Variants in ABCC1 observed in about 807,000 individuals in gnomAD.
The protein encoded by ABCC1 is multidrug resistance-associated protein 1.
Under a neutral mutation model 172.9 loss-of-function variants are expected in ABCC1, and 83 were observed. That is an observed-to-expected ratio of 0.48 (90% CI 0.40 to 0.58). The LOEUF is 0.58. ABCC1 is among the 20% of genes least tolerant of loss of function. The pLI, the probability that ABCC1 is intolerant of heterozygous loss-of-function variation, is 0.00. For missense variants in ABCC1, 1,817 were observed against 2,002.7 expected (o/e 0.91, Z 1.77); for synonymous variants, 937 against 825.2 (o/e 1.14, Z -2.32).
chr16:16,014,873 A>T (rs149114969), intron 4 of ABCC1, among the ~76,000 whole-genome samples: 5 of 152,154 alleles, frequency 3.3e-5, no homozygotes, highest in Non-Finnish European at 7.4e-5. Context: ...AGGGGCTCCC[A>T]TGGGACCTCC....
chr16:16,123,766 C>T (rs1156790671), intron 24 of ABCC1, among the ~76,000 whole-genome samples: 1 of 152,180 alleles, frequency 6.6e-6, no homozygotes, highest in African/African-American at 2.4e-5. Flanking sequence ...AATCTCAGCA[C>T]TTTGGGTGGC....
At chr16:16,045,249 T>C (rs45479601) in intron 8 of ABCC1, among the ~76,000 whole-genome samples, 21,123 of 151,366 alleles carry the variant, frequency 0.14, 1,656 homozygotes, top group Admixed American at 0.16. Flanking sequence ...AATACAAAAA[T>C]TAGCCGGGCG....
In ABCC1 at chr16:16,069,901, G is replaced by T. The variant is rs146388929; in HGVS notation, c.1824+1599G>T. On this transcript the variant is annotated intron_variant, in intron 13 of 30. Coordinates refer to ENST00000399410, the MANE Select transcript of ABCC1 (RefSeq NM_004996.4). ...TAGCCAGATGTATTGGTTGGTGCCTGTAATCCCAGCTAATCTGGAGGCTGA... is the reference window on the plus strand; with the variant it reads ...TAGCCAGATGTATTGGTTGGTGCCTTTAATCCCAGCTAATCTGGAGGCTGA... Among the ~76,000 whole-genome samples, 1,070 of 152,230 alleles carry T rather than the reference G, an allele frequency of 7.0e-3. 48 individuals carry two copies. Among genetic ancestry groups the T allele is most frequent in the Admixed American group, 0.065 (997 of 15,284 alleles).
chr16:16,005,511 C>T (rs1025475479), intron 1 of ABCC1, among the ~76,000 whole-genome samples: 10 of 152,106 alleles, frequency 6.6e-5, no homozygotes, highest in Non-Finnish European at 1.3e-4. Context: ...CCATGCCTGG[C>T]TAGTTTTTTG....
chr16:16,115,075 A>G lies in ABCC1; in HGVS notation c.3389A>G (p.Gln1130Arg). The G allele has an allele frequency of 1.2e-6, 2 of 1,613,222 alleles. No individual in the cohort carries two copies. The highest frequency in any genetic ancestry group is 1.7e-6 in the Non-Finnish European group (2 of 1,179,202). The change falls in exon 23 of 31, where the codon CAG becomes CGG. Residue 1130 changes from glutamine (Q) to arginine (R), a missense_variant and splice_region_variant. This residue lies in a region of ABCC1 where 1,412 missense variants were observed against 1,600.3 expected (regional missense o/e 0.88). Coordinates refer to ENST00000399410, the MANE Select transcript of ABCC1 (RefSeq NM_004996.4). ...PPLGLIYFFV[Q>R]RFYVASSRQL... ...CTTGGCCTCATCTACTTCTTCGTCCAGGTAAGGGGTGAGGTCTTAGTGTTC... is the reference window on the plus strand; with the variant it reads ...CTTGGCCTCATCTACTTCTTCGTCCGGGTAAGGGGTGAGGTCTTAGTGTTC...
chr16:16,101,661 C>T (rs1275300793), intron 19 of ABCC1, among the ~76,000 whole-genome samples: 1 of 152,190 alleles, frequency 6.6e-6, no homozygotes, highest in Non-Finnish European at 1.5e-5. Context: ...GCTTTCTCTC[C>T]TGGCACCAAA....
intron 24 of ABCC1, 49 bp downstream of exon 24, chr16:16,122,223 C>G (rs1193640221): frequency 6.3e-7 from 1 of 1,593,692 alleles, no homozygotes; most frequent in East Asian, 2.2e-5. Context: ...CGCCTTAGCA[C>G]CTTGTCTCTT....
chr16:15,986,665 G>A (rs1223799356), intron 1 of ABCC1, among the ~76,000 whole-genome samples: 5 of 152,190 alleles, frequency 3.3e-5, no homozygotes, highest in African/African-American at 4.8e-5. Context: ...GGGGACCTCT[G>A]ATCTGGGACA....
Position 16,042,183 on chromosome 16 carries a change from T to G in ABCC1, c.810-2267T>G, listed in dbSNP as rs926463094. On this transcript the variant is annotated intron_variant, in intron 7 of 30. Coordinates refer to ENST00000399410, the MANE Select transcript of ABCC1 (RefSeq NM_004996.4). ...TGGAAGAGTTTGGCAGTTTTTTTTT[T>G]TTTTTTTTTTAAGTTAGACACAGTG... is the stretch of plus-strand genomic sequence containing the variant. Among the ~76,000 whole-genome samples, 811 of 151,760 alleles carry G rather than the reference T, an allele frequency of 5.3e-3. 12 individuals are homozygous for G. The highest frequency in any genetic ancestry group is 0.019 in the African/African-American group (772 of 41,338).
intron 19 of ABCC1, chr16:16,094,344 C>A: frequency 3.9e-6 from 1 of 253,572 alleles, no homozygotes; most frequent in South Asian, 5.0e-5. Flanking sequence ...CTTTTTGGGC[C>A]GCCGACCTTG....
Position 16,009,819 on chromosome 16 carries a change from TCTA to T in ABCC1, c.272_274del (p.Tyr91del), listed in dbSNP as rs1453816819. 1 of 1,611,426 alleles carries T rather than the reference TCTA, an allele frequency of 6.2e-7. No homozygotes were observed. The highest frequency in any genetic ancestry group is 8.5e-7 in the Non-Finnish European group (1 of 1,179,048). On this transcript the variant is annotated inframe_deletion, in exon 3 of 31. Transcript: ENST00000399410. ...TGGATCGTCTGCTGGGCAGACCTCT[TCTA>T]CTCTTTCTGGGAAAGAAGTCGGGGC...
At chr16:16,064,454 A>G (rs1301384331) in intron 12 of ABCC1, among the ~76,000 whole-genome samples, 1 of 152,142 alleles carries the variant, frequency 6.6e-6, no homozygotes, top group East Asian at 1.9e-4. Context: ...TGAGGGGTGG[A>G]TGGCTAGATG....
At chr16:16,062,920 A>G (rs1212518031) in intron 12 of ABCC1, among the ~76,000 whole-genome samples, 2 of 152,126 alleles carry the variant, frequency 1.3e-5, no homozygotes, top group Non-Finnish European at 2.9e-5. Flanking sequence ...GCAGCCGTCA[A>G]TATTTAACAT....
intron 5 of ABCC1, among the ~76,000 whole-genome samples, chr16:16,020,761 A>G (rs1044146397): frequency 2.0e-5 from 3 of 152,136 alleles, no homozygotes; most frequent in Admixed American, 6.5e-5. Context: ...GACATTTATT[A>G]GATGCTTGCG....
chr16:16,050,154 C>T (rs1276442295), intron 10 of ABCC1, among the ~76,000 whole-genome samples: 1 of 152,078 alleles, frequency 6.6e-6, no homozygotes, highest in Non-Finnish European at 1.5e-5. Flanking sequence ...GGGCACAGCT[C>T]AAATTATTAT....
chr16:16,040,881 G>A (rs2048952302), intron 7 of ABCC1, among the ~76,000 whole-genome samples: 1 of 152,068 alleles, frequency 6.6e-6, no homozygotes, highest in Non-Finnish European at 1.5e-5. Flanking sequence ...GAACCTCAAG[G>A]GCTGTCCATG....
chr16:16,035,488 G>A (rs2048718986), intron 6 of ABCC1, among the ~76,000 whole-genome samples: 1 of 119,632 alleles, frequency 8.4e-6, no homozygotes, highest in Non-Finnish European at 1.8e-5. Context: ...TTTTCCTTCA[G>A]CCTATTTTTT....
At chr16:16,025,664 G>A (rs887915677) in intron 5 of ABCC1, among the ~76,000 whole-genome samples, 3 of 152,154 alleles carry the variant, frequency 2.0e-5, no homozygotes, top group African/African-American at 7.2e-5. Context: ...AAACTACCCT[G>A]CGCTCCAAGA....
chr16:16,008,869 G>C (rs568627883), intron 2 of ABCC1, among the ~76,000 whole-genome samples: 13 of 145,002 alleles, frequency 9.0e-5, no homozygotes, highest in Admixed American at 5.5e-4. Flanking sequence ...AAAAAAAGTT[G>C]CGATGATACC....
Sources: allele counts gnomAD v4.1 joint callset (sites outside exome capture counted in the v4.1 genomes callset), GRCh38; gene constraint gnomAD v4.1.1; regional missense constraint gnomAD v4.1.1; transcripts MANE v1.5; gene names NCBI Gene and HGNC (gene_info 2026-07-23, HGNC 2026-07-21).